Variants in ZNF334 observed in about 807,000 individuals in gnomAD.
The protein encoded by ZNF334 is zinc finger protein 334.
Under a neutral mutation model 12.4 loss-of-function variants are expected in ZNF334, and 14 were observed. The observed-to-expected ratio is 1.13, with a 90% CI of 0.74 to 1.76. The LOEUF is 1.76. ZNF334 is among the 40% of genes most tolerant of loss of function. The pLI, the probability that ZNF334 is intolerant of heterozygous loss-of-function variation, is 0.00. For missense variants in ZNF334, 797 were observed against 804.5 expected (o/e 0.99, Z 0.11); for synonymous variants, 273 against 269.6 (o/e 1.01, Z -0.12).
the ZNF334 span, chr20:46,463,947 A>G: frequency 1.8e-6 from 1 of 563,756 alleles, no homozygotes. Flanking sequence ...AGTCCCACTC[A>G]TTTTCAAAGT....
chr20:46,482,692 A>G, the ZNF334 span, among the ~76,000 whole-genome samples: 12 of 152,290 alleles, frequency 7.9e-5, no homozygotes, highest in African/African-American at 2.9e-4. Flanking sequence ...GTGTATAGAT[A>G]TGTAAAGTAA....
Position 46,512,066 on chromosome 20 carries a change from T to A in ZNF334, c.21+16A>T, listed in dbSNP as rs2061671367. The stretch of plus-strand genomic sequence containing the variant: ...TTCACTGTATAATGTGAGAAGTAAA[T>A]CCCTGAGCAACTTACCTGAAATTTT... On this transcript the variant is annotated intron_variant, in intron 2 of 4. Transcript: ENST00000692313. 1 of 1,613,390 alleles carries A rather than the reference T, an allele frequency of 6.2e-7. No homozygotes were observed. Among genetic ancestry groups the A allele is most frequent in the East Asian group, 2.2e-5 (1 of 44,860 alleles).
At chr20:46,467,352 G>C in the ZNF334 span, among the ~76,000 whole-genome samples, 10 of 151,972 alleles carry the variant, frequency 6.6e-5, no homozygotes. Context: ...CCAAATACAG[G>C]GAAAAAAATT....
At chr20:46,511,916 C>G (rs1162462517) in intron 2 of ZNF334, among the ~76,000 whole-genome samples, 166 bp downstream of exon 2, 1 of 152,164 alleles carries the variant, frequency 6.6e-6, no homozygotes, top group African/African-American at 2.4e-5. Context: ...ATTTGAGTAA[C>G]TCTATAGGAA....
chr20:46,487,927 C>T, the ZNF334 span, among the ~76,000 whole-genome samples: 6 of 152,170 alleles, frequency 3.9e-5, no homozygotes, highest in South Asian at 2.1e-4. Flanking sequence ...CCTCTAAGGG[C>T]ACCTGGCAAT....
the ZNF334 span, among the ~76,000 whole-genome samples, chr20:46,465,541 AAAAC>A: frequency 3.9e-4 from 60 of 152,128 alleles, no homozygotes; most frequent in Non-Finnish European, 7.4e-4. Flanking sequence ...CTAAAAAACC[AAAAC>A]AAACAAACAA....
chr20:46,466,438 C>A, the ZNF334 span, among the ~76,000 whole-genome samples: 5 of 152,036 alleles, frequency 3.3e-5, no homozygotes, highest in African/African-American at 1.2e-4. Flanking sequence ...TATGTGAAAA[C>A]AGCCCATAAA....
chr20:46,469,647 C>T, the ZNF334 span, among the ~76,000 whole-genome samples: 1 of 152,154 alleles, frequency 6.6e-6, no homozygotes, highest in African/African-American at 2.4e-5. Flanking sequence ...GCTGGGATTA[C>T]AGACGTGTGC....
At chr20:46,475,422 T>C in the ZNF334 span, among the ~76,000 whole-genome samples, 9 of 152,130 alleles carry the variant, frequency 5.9e-5, no homozygotes, top group Non-Finnish European at 1.3e-4. Flanking sequence ...ATTTATAAAT[T>C]AGACCTCATC....
chr20:46,506,470 TA>T (rs112192759), intron 2 of ZNF334: 86 of 400,200 alleles, frequency 2.1e-4, no homozygotes, highest in South Asian at 4.9e-4. Context: ...TACAAAAAAA[TA>T]AAAAAAAATT....
chr20:46,502,895 T>C lies in ZNF334; in HGVS notation c.444A>G (p.Glu148=), dbSNP rs776524853. 7.4e-6 allele frequency: 12 copies of C among 1,613,832 alleles called. No homozygotes were observed. The highest frequency in any genetic ancestry group is 9.3e-6 in the Non-Finnish European group (11 of 1,179,902). ...PGGNSLKTNS[E]VIVAKKSKEN... ...CTTTGCTTTTCTTTGCAACAATTAC[T>C]TCTGAATTAGTTTTCAAACTGTTTC... The change falls in exon 5 of 5, where the codon GAA becomes GAG. Residue 148 remains glutamate (E), a synonymous_variant. Transcript: ENST00000692313.
intron 2 of ZNF334, among the ~76,000 whole-genome samples, chr20:46,510,692 A>T (rs2061614756): frequency 6.8e-6 from 1 of 146,946 alleles, no homozygotes; most frequent in Non-Finnish European, 1.5e-5. Context: ...CGGGAGGCAG[A>T]GTTTGCAGTG....
At chr20:46,511,523 G>T (rs1263407259) in intron 2 of ZNF334, among the ~76,000 whole-genome samples, 4 of 152,168 alleles carry the variant, frequency 2.6e-5, no homozygotes, top group East Asian at 1.9e-4. Context: ...ATATAATATT[G>T]AATTGTTCCC....
chr20:46,497,494 GGAAGA>G (rs1300272866), downstream of ZNF334, among the ~76,000 whole-genome samples: 1 of 152,184 alleles, frequency 6.6e-6, no homozygotes, highest in Non-Finnish European at 1.5e-5. Flanking sequence ...CAGGTGAACA[GGAAGA>G]GAAGAGGGAA....
At chr20:46,494,251 C>T in the ZNF334 span, among the ~76,000 whole-genome samples, 3 of 152,238 alleles carry the variant, frequency 2.0e-5, no homozygotes, top group East Asian at 5.8e-4. Flanking sequence ...TGTGTTTAGC[C>T]AAGTGGGATG....
At chr20:46,470,384 G>C in the ZNF334 span, among the ~76,000 whole-genome samples, 2 of 152,182 alleles carry the variant, frequency 1.3e-5, no homozygotes, top group African/African-American at 4.8e-5. Context: ...GCTCCATTGA[G>C]GTGACCAAAT....
At chr20:46,473,326 T>C in the ZNF334 span, among the ~76,000 whole-genome samples, 1 of 152,238 alleles carries the variant, frequency 6.6e-6, no homozygotes, top group African/African-American at 2.4e-5. Flanking sequence ...ACTTTGTTGC[T>C]TCCTTGCATT....
chr20:46,465,988 T>C, the ZNF334 span, among the ~76,000 whole-genome samples: 1 of 151,884 alleles, frequency 6.6e-6, no homozygotes, highest in Non-Finnish European at 1.5e-5. Flanking sequence ...AAAGATGGAA[T>C]TTCTGGGGAA....
chr20:46,507,166 AG>A (rs1185416331), intron 2 of ZNF334, among the ~76,000 whole-genome samples: 1 of 151,984 alleles, frequency 6.6e-6, no homozygotes, highest in East Asian at 1.9e-4. Flanking sequence ...AAGAAAGAAA[AG>A]AAAGAGGAAA....
Sources: allele counts gnomAD v4.1 joint callset (sites outside exome capture counted in the v4.1 genomes callset), GRCh38; gene constraint gnomAD v4.1.1; transcripts MANE v1.5; gene names NCBI Gene and HGNC (gene_info 2026-07-23, HGNC 2026-07-21).